HMCN1: variants seen among roughly 807,000 people sequenced by gnomAD.
HMCN1 encodes hemicentin 1.
HMCN1 carries 321 observed loss-of-function variants against 625.9 expected under a neutral mutation model. That is an observed-to-expected ratio of 0.51 (90% CI 0.47 to 0.56). HMCN1 has a LOEUF of 0.56. Ranked by LOEUF, HMCN1 falls within the 20% of genes least tolerant of loss-of-function variation. The pLI, the probability that HMCN1 is intolerant of heterozygous loss-of-function variation, is 0.00. For synonymous variants in HMCN1, 2,425 were observed against 2,417.6 expected (o/e 1.00, Z -0.09); for missense variants, 6,588 against 6,887.3 (o/e 0.96, Z 1.54).
chr1:186,155,970 A>G (rs1016024785), intron 97 of HMCN1, among the ~76,000 whole-genome samples: 2 of 152,194 alleles, frequency 1.3e-5, no homozygotes, highest in Non-Finnish European at 2.9e-5. Context: ...AGTCCACAGT[A>G]GGGTCTGGGA....
intron 4 of HMCN1, among the ~76,000 whole-genome samples, chr1:185,873,867 G>A (rs115265607): frequency 1.4e-3 from 210 of 151,984 alleles, no homozygotes; most frequent in African/African-American, 4.9e-3. Context: ...AGACATAGAA[G>A]ATCTTATATA....
intron 11 of HMCN1, among the ~76,000 whole-genome samples, chr1:185,950,042 C>T (rs1365557670): frequency 2.7e-3 from 393 of 145,974 alleles, no homozygotes; most frequent in African/African-American, 3.8e-3. Flanking sequence ...GAACTGCCAT[C>T]AATAAATCAA....
intron 6 of HMCN1, among the ~76,000 whole-genome samples, chr1:185,920,057 A>G (rs1403568352): frequency 6.6e-6 from 1 of 152,222 alleles, no homozygotes; most frequent in Non-Finnish European, 1.5e-5. Flanking sequence ...ATAGATATCA[A>G]ACTATTGGCA....
At chr1:185,950,940 G>T (rs1263166715) in intron 11 of HMCN1, among the ~76,000 whole-genome samples, 2 of 150,796 alleles carry the variant, frequency 1.3e-5, no homozygotes, top group African/African-American at 4.9e-5. Context: ...AGGTAAAATG[G>T]GGGAATTGTA....
Position 185,930,907 on chromosome 1 carries a change from T to TACACACACACACAC in HMCN1, c.1552+2264_1552+2277dup, listed in dbSNP as rs3030426. ...TACTAACACAATGACTTTCACCCAA[T>TACACACACACACAC]ACACACACACACACACACACACACA... On this transcript the variant is annotated intron_variant, in intron 10 of 106. Coordinates refer to ENST00000271588, the MANE Select transcript of HMCN1 (RefSeq NM_031935.3). Among the ~76,000 whole-genome samples the TACACACACACACAC allele has an allele frequency of 4.6e-3, 642 of 139,010 alleles. 4 individuals are homozygous for TACACACACACACAC. The highest frequency in any genetic ancestry group is 0.016 in the African/African-American group (617 of 38,538). The allele number at this position is 139,010 out of a possible 152,430, so 91.2% of individuals were successfully genotyped here.
At chr1:186,115,075 A>G in intron 74 of HMCN1, 129 bp downstream of exon 74, 1 of 1,444,870 alleles carries the variant, frequency 6.9e-7, no homozygotes, top group East Asian at 2.3e-5. Flanking sequence ...TATGAATAGC[A>G]AGCCCCAAGT....
chr1:185,971,318 T>A (rs962384539), intron 15 of HMCN1, among the ~76,000 whole-genome samples: 6 of 152,206 alleles, frequency 3.9e-5, no homozygotes, highest in Non-Finnish European at 4.4e-5. Flanking sequence ...TACAAAAAAA[T>A]GTCAATCATA....
chr1:186,144,814 G>T, intron 91 of HMCN1, 111 bp downstream of exon 91: 2 of 1,276,604 alleles, frequency 1.6e-6, no homozygotes, highest in East Asian at 2.4e-5. Flanking sequence ...CTTTGGTTTA[G>T]GATGTCAGAA....
At chr1:186,030,360 T>C (rs1250900134) in intron 36 of HMCN1, among the ~76,000 whole-genome samples, 1 of 152,094 alleles carries the variant, frequency 6.6e-6, no homozygotes, top group Non-Finnish European at 1.5e-5. Context: ...CCGTGTATAT[T>C]GGGGATCTGT....
chr1:186,117,540 G>A lies in HMCN1; in HGVS notation c.11765G>A (p.Gly3922Glu). The A allele has an allele frequency of 3.7e-6, 6 of 1,613,806 alleles. No individual in the cohort carries two copies. The highest frequency in any genetic ancestry group is 5.1e-6 in the Non-Finnish European group (6 of 1,179,788). The change falls in exon 77 of 107, where the codon GGA becomes GAA. Residue 3922 changes from glycine (G) to glutamate (E), a missense_variant. Gly to Glu is a moderately conservative substitution (Grantham distance 98, BLOSUM62 -2). Coordinates refer to ENST00000271588, the MANE Select transcript of HMCN1 (RefSeq NM_031935.3). ...APAVITCTAS[G>E]VPFPSIHWTK... ...GCAGTAATTACCTGCACTGCTTCGG[G>A]AGTTCCATTTCCCTCAATTCACTGG...
At chr1:186,112,249 C>T (rs1175631401) in intron 71 of HMCN1, among the ~76,000 whole-genome samples, 5 of 152,066 alleles carry the variant, frequency 3.3e-5, no homozygotes, top group Non-Finnish European at 5.9e-5. Context: ...TAGTCAGCAA[C>T]CTTTCAGTTG....
In HMCN1 at chr1:185,928,556, A is replaced by G; in HGVS notation, c.1441A>G (p.Ser481Gly). The G allele has an allele frequency of 6.2e-7, 1 of 1,613,162 alleles. No individual in the cohort carries two copies. Among genetic ancestry groups the G allele is most frequent in the Non-Finnish European group, 8.5e-7 (1 of 1,179,152 alleles). ...GVDQYLKESASVNLDIAKVTL... is the reference protein window; with the variant it reads ...GVDQYLKESAGVNLDIAKVTL... ...TTTTCTTACCTCCAGAGAATCTGCC[A>G]GTGTGAACTTAGATATTGCAAAGGT... The change falls in exon 10 of 107, where the codon AGT (serine) becomes GGT (glycine). Residue 481 changes from serine to glycine, a missense_variant. Coordinates refer to ENST00000271588, the MANE Select transcript of HMCN1 (RefSeq NM_031935.3).
intron 1 of HMCN1, among the ~76,000 whole-genome samples, chr1:185,768,001 A>G (rs578024608): frequency 2.0e-5 from 3 of 152,362 alleles, no homozygotes; most frequent in Admixed American, 2.0e-4. Context: ...ATTAATGTTA[A>G]TAGCCCTTAA....
chr1:186,189,887 C>T lies in HMCN1; in HGVS notation c.*9C>T. ...CCGCCTATCCATACTAAGGAACTCT[C>T]CAAAGCCTATTCCACATATTTAAAC... On this transcript the variant is annotated 3_prime_UTR_variant, in exon 107 of 107. Transcript: ENST00000271588. The T allele has an allele frequency of 6.2e-7, 1 of 1,613,072 alleles. No homozygotes were observed. Among genetic ancestry groups the T allele is most frequent in the Non-Finnish European group, 8.5e-7 (1 of 1,179,670 alleles).
intron 36 of HMCN1, among the ~76,000 whole-genome samples, chr1:186,036,506 A>G (rs528629108): frequency 1.8e-4 from 27 of 152,228 alleles, no homozygotes; most frequent in African/African-American, 6.5e-4. Context: ...TGATTCAATT[A>G]TCTACCAATG....
At chr1:185,963,264 G>A (rs4288554) in intron 12 of HMCN1, among the ~76,000 whole-genome samples, 8,981 of 152,204 alleles carry the variant, frequency 0.059, 645 homozygotes, top group African/African-American at 0.17. Flanking sequence ...AGTCATACGT[G>A]TGATCCAGCC....
At position 186,145,449 on chromosome 1, in the gene HMCN1, G is replaced by A; in HGVS notation, c.14313G>A (p.Arg4771=). ...GGAGTGGCTGGGGAACATGCAGCCG[G>A]ACGTGTAACGGAGGGCAGATGCGGC... ...SPWSGWGTCS[R]TCNGGQMRRY... is the part of the protein sequence containing the mutation. Residue 4771 remains arginine (R), a synonymous_variant, in exon 92 of 107, where the codon CGG becomes CGA. Transcript: ENST00000271588. 3 of 1,603,946 alleles carry A rather than the reference G, an allele frequency of 1.9e-6. No homozygotes were observed. The highest frequency in any genetic ancestry group is 2.6e-6 in the Non-Finnish European group (3 of 1,173,746).
chr1:185,828,155 A>G (rs186904700), intron 1 of HMCN1, among the ~76,000 whole-genome samples: 8 of 152,308 alleles, frequency 5.3e-5, no homozygotes, highest in African/African-American at 1.7e-4. Context: ...GATTTATGCA[A>G]TTCTTTGACT....
intron 75 of HMCN1, among the ~76,000 whole-genome samples, chr1:186,115,795 C>A (rs1363151621): frequency 6.6e-6 from 1 of 150,832 alleles, no homozygotes; most frequent in Non-Finnish European, 1.5e-5. Flanking sequence ...AAATTTTATA[C>A]CTTAAAATAC....
Sources: gnomAD v4.1 joint callset for allele counts (sites outside exome capture counted in the v4.1 genomes callset) on GRCh38, gnomAD v4.1.1 for gene constraint, MANE v1.5 for transcripts, NCBI Gene and HGNC (gene_info 2026-07-23, HGNC 2026-07-21) for gene names.